Variants in ANK3 observed in about 807,000 individuals in gnomAD.
ANK3 encodes the protein ankyrin-3.
In ANK3, 57 loss-of-function variants were observed where a neutral mutation model predicts 370.9. The observed-to-expected ratio is 0.15, with a 90% CI of 0.12 to 0.19. ANK3 has a LOEUF of 0.19. ANK3 is among the 10% of genes least tolerant of loss of function. ANK3 has a pLI of 1.00. For missense variants in ANK3, 4,439 were observed against 5,302.1 expected (o/e 0.84, Z 5.06); for synonymous variants, 1,929 against 1,946.3 (o/e 0.99, Z 0.23).
intron 1 of ANK3, among the ~76,000 whole-genome samples, chr10:60,704,976 A>T (rs930902347): frequency 3.3e-5 from 5 of 152,200 alleles, no homozygotes; most frequent in East Asian, 1.9e-4. Flanking sequence ...TTTAATCTTT[A>T]TTAGGAAAAT....
At chr10:60,184,510 A>G (rs2096276428) in intron 17 of ANK3, among the ~76,000 whole-genome samples, 1 of 152,222 alleles carries the variant, frequency 6.6e-6, no homozygotes, top group East Asian at 1.9e-4. Flanking sequence ...CAACATGCTA[A>G]TGGAAAGCCA....
intron 23 of ANK3, among the ~76,000 whole-genome samples, chr10:60,156,464 G>A (rs1296126096): frequency 6.6e-6 from 1 of 152,138 alleles, no homozygotes; most frequent in Non-Finnish European, 1.5e-5. Flanking sequence ...GCCGTGGGGT[G>A]AGCCCCAGCA....
intron 1 of ANK3, among the ~76,000 whole-genome samples, chr10:60,382,365 C>T (rs564284171): frequency 1.3e-5 from 2 of 152,126 alleles, no homozygotes; most frequent in Non-Finnish European, 2.9e-5. Context: ...TAATGAGATA[C>T]ATCTAAGTTC....
At chr10:60,176,040 G>A (rs2095927795) in intron 18 of ANK3, among the ~76,000 whole-genome samples, 1 of 151,934 alleles carries the variant, frequency 6.6e-6, no homozygotes, top group East Asian at 1.9e-4. Flanking sequence ...ACTGAAAATA[G>A]GAAAAGATCA....
At chr10:60,525,874 G>A (rs2076457273) in intron 2 of ANK3, among the ~76,000 whole-genome samples, 1 of 152,138 alleles carries the variant, frequency 6.6e-6, no homozygotes, top group Non-Finnish European at 1.5e-5. Flanking sequence ...CTGCGCAGAT[G>A]TGAAAGCTCT....
intron 1 of ANK3, among the ~76,000 whole-genome samples, chr10:60,709,281 C>CTA (rs1236284080): frequency 7.2e-4 from 4 of 5,580 alleles, no homozygotes; most frequent in African/African-American, 2.3e-3. Context: ...TAGGATATAT[C>CTA]TATATCTATA....
rs367673751 is a variant in ANK3, at chr10:60,205,847, A to G, written c.1238T>C (p.Ile413Thr). 6.2e-7 allele frequency: 1 copy of G among 1,614,042 alleles called. No individual in the cohort carries two copies. Among genetic ancestry groups the G allele is most frequent in the Non-Finnish European group, 8.5e-7 (1 of 1,179,928 alleles). ...TTTCAGAAGGAGTTCCATTACTTTA[A>G]TTCGATTCTTCTTGCAGGCAATATG... ...PLHIACKKNR[I>T]KVMELLLKHG... The change falls in exon 11 of 44, where the codon ATT becomes ACT. Residue 413 changes from isoleucine to threonine, a missense_variant. By Grantham distance (89) the Ile-to-Thr change is moderately conservative (BLOSUM62 -1). This residue lies in a region of ANK3 where 227 missense variants were observed against 377.6 expected (regional missense o/e 0.60). Transcript: ENST00000280772.
chr10:60,698,036 A>T (rs534684328), intron 1 of ANK3, among the ~76,000 whole-genome samples: 1 of 152,312 alleles, frequency 6.6e-6, no homozygotes, highest in East Asian at 1.9e-4. Context: ...AGAATCTACA[A>T]TGAACTCAAA....
At chr10:60,345,724 C>A (rs2055305589) in intron 1 of ANK3, among the ~76,000 whole-genome samples, 1 of 152,102 alleles carries the variant, frequency 6.6e-6, no homozygotes, top group South Asian at 2.1e-4. Context: ...ATCTTACATT[C>A]TTGGAGAATA....
chr10:60,469,357 A>G (rs554878862), intron 2 of ANK3, among the ~76,000 whole-genome samples: 13 of 124,454 alleles, frequency 1.0e-4, no homozygotes, highest in South Asian at 5.8e-4. Context: ...ATATATATAT[A>G]CCACTTTTAG....
chr10:60,691,200 C>T (rs1427559250), intron 1 of ANK3, among the ~76,000 whole-genome samples: 1 of 152,172 alleles, frequency 6.6e-6, no homozygotes, highest in East Asian at 1.9e-4. Context: ...ATACTGGGTA[C>T]TGTGCTCAGT....
At chr10:60,541,473 C>T (rs1166740257) in intron 2 of ANK3, among the ~76,000 whole-genome samples, 1 of 151,908 alleles carries the variant, frequency 6.6e-6, no homozygotes, top group Non-Finnish European at 1.5e-5. Context: ...CGTTTTCTTT[C>T]TTTTTAAACT....
In ANK3 at chr10:60,453,885, C is replaced by A. The variant is rs754863152; in HGVS notation, c.96+161301G>T. Among the ~76,000 whole-genome samples the A allele has an allele frequency of 2.6e-5, 4 of 152,118 alleles. 1 individual carries two copies. In the South Asian group the frequency reaches 6.2e-4, roughly 24 times the overall value. ...TATTCCCATTATAACTCCCATATGA[C>A]TTACTAAAATTTGGTTACTGTTGGT... is the stretch of plus-strand genomic sequence containing the variant. On this transcript the variant is annotated intron_variant, in intron 2 of 43. Transcript: ENST00000373827.
At chr10:60,640,060 C>T (rs1244628467) in intron 1 of ANK3, among the ~76,000 whole-genome samples, 1 of 151,880 alleles carries the variant, frequency 6.6e-6, no homozygotes, top group East Asian at 1.9e-4. Flanking sequence ...GCCAAAAAGG[C>T]TAAATTCATA....
At chr10:60,306,447 ATATATATC>A (rs55826386) in intron 1 of ANK3, among the ~76,000 whole-genome samples, 41,364 of 105,636 alleles carry the variant, frequency 0.39, 5,883 homozygotes, top group South Asian at 0.58. Flanking sequence ...ATATATATAT[ATATATATC>A]TATCTTTATC....
chr10:60,546,281 G>C (rs148273763), intron 2 of ANK3, among the ~76,000 whole-genome samples: 1 of 152,032 alleles, frequency 6.6e-6, no homozygotes, highest in Non-Finnish European at 1.5e-5. Flanking sequence ...AGTGATTCTC[G>C]TGCCTCAGCC....
chr10:60,386,924 C>T (rs773767887), intron 1 of ANK3, among the ~76,000 whole-genome samples: 6 of 152,146 alleles, frequency 3.9e-5, no homozygotes, highest in Non-Finnish European at 7.4e-5. Flanking sequence ...CTTTGGGAGG[C>T]CTAGGCGGGT....
chr10:60,280,339 A>G (rs191449547), intron 1 of ANK3, among the ~76,000 whole-genome samples: 1 of 152,182 alleles, frequency 6.6e-6, no homozygotes, highest in Non-Finnish European at 1.5e-5. Flanking sequence ...GATTATAGGC[A>G]TGATCCCAAC....
At chr10:60,322,192 T>C (rs1255312958) in intron 1 of ANK3, among the ~76,000 whole-genome samples, 1 of 152,188 alleles carries the variant, frequency 6.6e-6, no homozygotes, top group Non-Finnish European at 1.5e-5. Flanking sequence ...GCTATTTTAA[T>C]AAAATGGCTA....
Sources: gnomAD v4.1 joint callset for allele counts (sites outside exome capture counted in the v4.1 genomes callset) on GRCh38, gnomAD v4.1.1 for gene constraint, gnomAD v4.1.1 regional missense constraint, MANE v1.5 for transcripts, NCBI Gene and HGNC (gene_info 2026-07-23, HGNC 2026-07-21) for gene names.